Variants in ADCY2 observed in about 807,000 individuals in gnomAD.
The protein encoded by ADCY2 is adenylate cyclase 2.
ADCY2 carries 31 observed loss-of-function variants against 125.2 expected under a neutral mutation model. That is an observed-to-expected ratio of 0.25 (90% CI 0.19 to 0.33). The LOEUF (loss-of-function observed/expected upper bound fraction) is 0.33, where lower values mean the gene tolerates loss of function less well. Among genes scored for constraint, ADCY2 ranks in the 10% least tolerant of loss-of-function variants. ADCY2 has a pLI of 1.00. For missense variants in ADCY2, 904 were observed against 1,418.2 expected (o/e 0.64, Z 5.82); for synonymous variants, 512 against 548.4 (o/e 0.93, Z 0.93).
intron 3 of ADCY2, among the ~76,000 whole-genome samples, chr5:7,603,802 T>TC (rs1737307234): frequency 1.4e-5 from 2 of 143,822 alleles, no homozygotes; most frequent in African/African-American, 2.7e-5. Flanking sequence ...TTTTTTTTTT[T>TC]TTTTTTTCTT....
chr5:7,582,141 T>G (rs1009784564), intron 3 of ADCY2, among the ~76,000 whole-genome samples: 5 of 152,018 alleles, frequency 3.3e-5, no homozygotes, highest in African/African-American at 4.8e-5. Flanking sequence ...TTATTTAGAG[T>G]AGGTTTCAGG....
chr5:7,781,734 A>G (rs1481693315), intron 18 of ADCY2, among the ~76,000 whole-genome samples: 1 of 150,470 alleles, frequency 6.6e-6, no homozygotes, highest in African/African-American at 2.5e-5. Context: ...TTCAGAGATC[A>G]ACACAACTGA....
intron 23 of ADCY2, 40 bp from the exon 24 acceptor site, chr5:7,820,525 A>T: frequency 6.2e-7 from 1 of 1,611,282 alleles, no homozygotes; most frequent in Non-Finnish European, 8.5e-7. Flanking sequence ...GACAATGGTT[A>T]TAAGATGAAT....
At chr5:7,505,104 G>A (rs536017105) in intron 2 of ADCY2, among the ~76,000 whole-genome samples, 3 of 152,028 alleles carry the variant, frequency 2.0e-5, no homozygotes, top group East Asian at 1.9e-4. Context: ...GGCTGGTCTC[G>A]AACTCCTGGG....
chr5:7,688,562 C>T (rs1293714634), intron 4 of ADCY2, among the ~76,000 whole-genome samples: 1 of 152,130 alleles, frequency 6.6e-6, no homozygotes, highest in Non-Finnish European at 1.5e-5. Flanking sequence ...AGCTACCGTG[C>T]CTGACCAGGT....
At chr5:7,570,426 G>T (rs1310688851) in intron 3 of ADCY2, among the ~76,000 whole-genome samples, 3 of 152,020 alleles carry the variant, frequency 2.0e-5, no homozygotes, top group African/African-American at 7.2e-5. Flanking sequence ...TTAAACTTCT[G>T]TAAGTCTAGG....
chr5:7,432,514 C>T (rs1016055603), intron 2 of ADCY2, among the ~76,000 whole-genome samples: 7 of 152,192 alleles, frequency 4.6e-5, no homozygotes, highest in Non-Finnish European at 1.0e-4. Flanking sequence ...CTCCTGGACC[C>T]GCTCACCTTC....
chr5:7,416,375 C>T (rs565998754), intron 2 of ADCY2, among the ~76,000 whole-genome samples: 46 of 152,288 alleles, frequency 3.0e-4, no homozygotes, highest in African/African-American at 9.4e-4. Context: ...GGGCTGGGCG[C>T]GGCCCCCATG....
intron 2 of ADCY2, among the ~76,000 whole-genome samples, chr5:7,475,053 A>C (rs1181702658): frequency 6.6e-6 from 1 of 152,064 alleles, no homozygotes; most frequent in Non-Finnish European, 1.5e-5. Flanking sequence ...CAGCAGGGGG[A>C]GTCCTCCCAC....
intron 3 of ADCY2, among the ~76,000 whole-genome samples, chr5:7,590,868 A>G (rs1261230941): frequency 6.6e-6 from 1 of 152,142 alleles, no homozygotes; most frequent in Non-Finnish European, 1.5e-5. Context: ...TAATATAGTC[A>G]AGACTCTTAT....
intron 2 of ADCY2, among the ~76,000 whole-genome samples, chr5:7,519,417 G>A (rs1264844979): frequency 1.3e-5 from 2 of 152,148 alleles, no homozygotes; most frequent in African/African-American, 4.8e-5. Context: ...CACTGAAAGT[G>A]GGGCATGCTT....
chr5:7,736,922 T>TA (rs567294478), intron 14 of ADCY2, among the ~76,000 whole-genome samples: 2 of 151,954 alleles, frequency 1.3e-5, no homozygotes, highest in African/African-American at 2.4e-5. Context: ...GTTCCATTTA[T>TA]AAAAAAAATT....
intron 4 of ADCY2, among the ~76,000 whole-genome samples, chr5:7,668,958 T>C (rs1441248593): frequency 2.0e-5 from 3 of 152,202 alleles, no homozygotes; most frequent in Non-Finnish European, 4.4e-5. Flanking sequence ...ACTCCACTAT[T>C]TTCCTGAAAC....
intron 1 of ADCY2, among the ~76,000 whole-genome samples, chr5:7,413,343 G>A (rs1288227543): frequency 6.6e-6 from 1 of 151,956 alleles, no homozygotes; most frequent in African/African-American, 2.4e-5. Flanking sequence ...CGCCCAGGCT[G>A]GAGTGCAGTG....
At chr5:7,629,781 A>G (rs1163604216) in intron 4 of ADCY2, among the ~76,000 whole-genome samples, 1 of 152,184 alleles carries the variant, frequency 6.6e-6, no homozygotes, top group African/African-American at 2.4e-5. Context: ...CTGAGAAAAC[A>G]TATTTCAGTG....
chr5:7,808,461 T>G (rs1047260619), intron 22 of ADCY2, among the ~76,000 whole-genome samples: 2 of 152,180 alleles, frequency 1.3e-5, no homozygotes, highest in African/African-American at 4.8e-5. Context: ...TCCCTGACCT[T>G]GTTGAACCTT....
chr5:7,672,816 T>C (rs1180761517), intron 4 of ADCY2, among the ~76,000 whole-genome samples: 2 of 152,142 alleles, frequency 1.3e-5, no homozygotes, highest in East Asian at 3.9e-4. Flanking sequence ...AGTGGCAGAG[T>C]TGGGTAGTCA....
intron 5 of ADCY2, among the ~76,000 whole-genome samples, chr5:7,695,387 G>T (rs536202267): frequency 1.3e-5 from 2 of 152,274 alleles, no homozygotes; most frequent in South Asian, 2.1e-4. Flanking sequence ...AATTCTGAAC[G>T]TCAGGAAGAT....
intron 3 of ADCY2, among the ~76,000 whole-genome samples, chr5:7,528,791 A>G (rs1293811385): frequency 6.6e-6 from 1 of 152,204 alleles, no homozygotes; most frequent in East Asian, 1.9e-4. Flanking sequence ...TTGATCCATT[A>G]CTTACAAAGA....
Sources: gnomAD v4.1 joint callset for allele counts (sites outside exome capture counted in the v4.1 genomes callset) on GRCh38, gnomAD v4.1.1 for gene constraint, MANE v1.5 for transcripts, NCBI Gene and HGNC (gene_info 2026-07-23, HGNC 2026-07-21) for gene names.